Variants in MYO10 observed in about 807,000 individuals in gnomAD.
MYO10 encodes the protein myosin X.
In MYO10, 133 loss-of-function variants were observed where a neutral mutation model predicts 257.3. The ratio of observed to expected loss-of-function variants is 0.52; its 90% confidence interval spans 0.45 to 0.60. The LOEUF (loss-of-function observed/expected upper bound fraction) is 0.60. Ranked by LOEUF, MYO10 falls within the 20% of genes least tolerant of loss-of-function variation. The pLI is 0.00. For missense variants in MYO10, 2,399 were observed against 2,635.7 expected (o/e 0.91, Z 1.97); for synonymous variants, 1,104 against 1,028.6 (o/e 1.07, Z -1.40).
chr5:16,851,556 C>T (rs1743801427), intron 2 of MYO10, among the ~76,000 whole-genome samples: 1 of 152,130 alleles, frequency 6.6e-6, no homozygotes, highest in South Asian at 2.1e-4. Context: ...CCAGAAAGCA[C>T]CTCCACACAG....
At chr5:16,893,196 CAAAAAAAAA>C (rs59761183) in intron 1 of MYO10, among the ~76,000 whole-genome samples, 1 of 69,614 alleles carries the variant, frequency 1.4e-5, no homozygotes, top group Non-Finnish European at 2.7e-5. Context: ...GACTCTGTCT[CAAAAAAAAA>C]AAAAAAAAAA....
At chr5:16,676,684 C>G (rs1369315567) in intron 33 of MYO10, among the ~76,000 whole-genome samples, 2 of 152,128 alleles carry the variant, frequency 1.3e-5, no homozygotes, top group Non-Finnish European at 1.5e-5. Context: ...CCACGGCACT[C>G]CAGCCTGGCT....
intron 6 of MYO10, among the ~76,000 whole-genome samples, chr5:16,781,043 G>GA (rs1201013522): frequency 2.0e-5 from 3 of 151,682 alleles, no homozygotes; most frequent in Non-Finnish European, 4.4e-5. Context: ...TTATATCAGA[G>GA]ATTTATAAAA....
intron 3 of MYO10, among the ~76,000 whole-genome samples, chr5:16,795,406 C>T (rs1396144503): frequency 6.6e-6 from 1 of 152,104 alleles, no homozygotes; most frequent in African/African-American, 2.4e-5. Context: ...GAGTTCAAGG[C>T]CAGCCTGGCC....
At chr5:16,741,782 C>A in intron 19 of MYO10, 2 of 984,052 alleles carry the variant, frequency 2.0e-6, no homozygotes, top group African/African-American at 1.7e-5. Flanking sequence ...TTAAGCAGAA[C>A]AAGAAAGAGA....
intron 10 of MYO10, among the ~76,000 whole-genome samples, chr5:16,766,766 C>T (rs1740883003): frequency 7.4e-6 from 1 of 134,772 alleles, no homozygotes; most frequent in South Asian, 2.5e-4. Context: ...TGCCCACCTA[C>T]TTTCTTTTTT....
At chr5:16,741,763 A>G in intron 19 of MYO10, 1 of 974,126 alleles carries the variant, frequency 1.0e-6, no homozygotes, top group Non-Finnish European at 1.2e-6. Context: ...GGCAAGTTAC[A>G]TGAAACTTTT....
chr5:16,692,470 C>CA (rs1737553325), intron 27 of MYO10, among the ~76,000 whole-genome samples: 2 of 151,982 alleles, frequency 1.3e-5, no homozygotes, highest in Admixed American at 6.6e-5. Context: ...GAAATCTGAA[C>CA]AATGACTGGG....
chr5:16,699,973 A>G (rs1737967637), intron 25 of MYO10, among the ~76,000 whole-genome samples: 1 of 152,290 alleles, frequency 6.6e-6, no homozygotes. Flanking sequence ...CTGCCCTAAA[A>G]CTAACAATGC....
chr5:16,709,880 T>G (rs1388298460), intron 21 of MYO10, among the ~76,000 whole-genome samples: 1 of 142,200 alleles, frequency 7.0e-6, no homozygotes, highest in Non-Finnish European at 1.5e-5. Context: ...GTAAAAAATT[T>G]CCCTAGAGCA....
At chr5:16,678,330 A>G (rs1736830923) in intron 33 of MYO10, among the ~76,000 whole-genome samples, 1 of 152,114 alleles carries the variant, frequency 6.6e-6, no homozygotes, top group Non-Finnish European at 1.5e-5. Context: ...CTGTTATCTC[A>G]GCACTCTGGG....
intron 35 of MYO10, 116 bp downstream of exon 35, chr5:16,674,737 C>G (rs965083581): frequency 8.3e-7 from 1 of 1,199,978 alleles, no homozygotes; most frequent in Non-Finnish European, 1.2e-6. Flanking sequence ...ACCCAGAGGT[C>G]CCTGTCCTAC....
chr5:16,893,063 G>A (rs1370669082), intron 1 of MYO10, among the ~76,000 whole-genome samples: 1 of 151,852 alleles, frequency 6.6e-6, no homozygotes, highest in Non-Finnish European at 1.5e-5. Context: ...CGGGCGTGGT[G>A]GCGGGCGCCT....
chr5:16,903,181 C>T (rs1427093559), intron 1 of MYO10, among the ~76,000 whole-genome samples: 4 of 152,192 alleles, frequency 2.6e-5, no homozygotes, highest in Admixed American at 6.5e-5. Flanking sequence ...CCAAGGCGGG[C>T]GGATCATGAG....
At chr5:16,668,123 C>T (rs1266531347) in intron 40 of MYO10, among the ~76,000 whole-genome samples, 154 bp downstream of exon 40, 1 of 151,998 alleles carries the variant, frequency 6.6e-6, no homozygotes, top group African/African-American at 2.4e-5. Context: ...TGCAGGGAAC[C>T]GGCAGCTGGA....
chr5:16,721,722 G>T (rs1456558427), intron 19 of MYO10, among the ~76,000 whole-genome samples: 1 of 152,108 alleles, frequency 6.6e-6, no homozygotes, highest in Non-Finnish European at 1.5e-5. Flanking sequence ...CCCTGAGCAA[G>T]GACACTCACA....
intron 1 of MYO10, among the ~76,000 whole-genome samples, chr5:16,929,289 C>T (rs1746232197): frequency 6.6e-6 from 1 of 152,144 alleles, no homozygotes; most frequent in Non-Finnish European, 1.5e-5. Flanking sequence ...TGAACATTTT[C>T]CTGCGGAGTT....
At chr5:16,906,135 A>G (rs564716094) in intron 1 of MYO10, among the ~76,000 whole-genome samples, 1 of 152,176 alleles carries the variant, frequency 6.6e-6, no homozygotes, top group Non-Finnish European at 1.5e-5. Flanking sequence ...GCCTGGCAGG[A>G]CGGCTGCTAT....
chr5:16,877,344 C>G (rs1290054353), intron 2 of MYO10, among the ~76,000 whole-genome samples: 3 of 152,156 alleles, frequency 2.0e-5, no homozygotes, highest in Non-Finnish European at 4.4e-5. Flanking sequence ...AGAAAAGATA[C>G]CCAGGAGGGA....
Sources: gnomAD v4.1 joint callset for allele counts (sites outside exome capture counted in the v4.1 genomes callset) on GRCh38, gnomAD v4.1.1 for gene constraint, MANE v1.5 for transcripts, NCBI Gene and HGNC (gene_info 2026-07-23, HGNC 2026-07-21) for gene names.